Variants in DENND5A observed in about 807,000 individuals in gnomAD.
The protein encoded by DENND5A is DENN domain containing 5A.
Under a neutral mutation model 140.3 loss-of-function variants are expected in DENND5A, and 64 were observed. The observed-to-expected ratio is 0.46, with a 90% confidence interval of 0.37 to 0.56. The LOEUF (loss-of-function observed/expected upper bound fraction) is 0.56, where lower values mean the gene tolerates loss of function less well. DENND5A is among the 20% of genes least tolerant of loss of function. DENND5A has a pLI of 0.00. For synonymous variants in DENND5A, 605 were observed against 607.7 expected (o/e 1.00, Z 0.07); for missense variants, 1,292 against 1,593.8 (o/e 0.81, Z 3.22).
chr11:9,179,170 G>T, intron 6 of DENND5A, 97 bp from the exon 7 acceptor site: 1 of 1,055,606 alleles, frequency 9.5e-7, no homozygotes, highest in Non-Finnish European at 1.4e-6. Flanking sequence ...TTTTTTTACA[G>T]TGCTAATTTA....
intron 1 of DENND5A, among the ~76,000 whole-genome samples, chr11:9,261,058 C>G (rs1359310614): frequency 1.3e-5 from 2 of 152,072 alleles, no homozygotes; most frequent in Non-Finnish European, 2.9e-5. Context: ...GCCGTGCTGC[C>G]CAGGCTGGTC....
At chr11:9,146,049 C>T (rs1847421418) in intron 16 of DENND5A, among the ~76,000 whole-genome samples, 1 of 152,174 alleles carries the variant, frequency 6.6e-6, no homozygotes, top group Non-Finnish European at 1.5e-5. Flanking sequence ...ACCACCCAAA[C>T]ATCAAAGATC....
Position 9,143,428 on chromosome 11 carries a change from T to C in DENND5A, c.3362A>G (p.Lys1121Arg). ...SIGEAVNGIV[K>R]HFHKPEKERG... ...CTCTTTCTCAGGCTTATGGAAGTGC[T>C]TCACAATGCCATTGACTGCCTCCCC... is the stretch of plus-strand genomic sequence containing the variant. Residue 1121 changes from lysine (K) to arginine (R), a missense_variant, in exon 20 of 23, where the codon AAG becomes AGG. This residue lies in a region of DENND5A where 498 missense variants were observed against 689.7 expected (regional missense o/e 0.72). Coordinates refer to ENST00000328194, the MANE Select transcript of DENND5A (RefSeq NM_015213.4). 6.2e-7 allele frequency: 1 copy of C among 1,614,224 alleles called. No individual in the cohort carries two copies. Among genetic ancestry groups the C allele is most frequent in the Non-Finnish European group, 8.5e-7 (1 of 1,180,022 alleles).
chr11:9,214,511 C>T (rs1218029792), intron 1 of DENND5A, among the ~76,000 whole-genome samples: 2 of 152,204 alleles, frequency 1.3e-5, no homozygotes, highest in Non-Finnish European at 2.9e-5. Flanking sequence ...GAAGCTATCA[C>T]TCTTCCTTAT....
chr11:9,169,077 A>G (rs1332280272), intron 10 of DENND5A, among the ~76,000 whole-genome samples: 2 of 152,202 alleles, frequency 1.3e-5, no homozygotes, highest in Non-Finnish European at 2.9e-5. Context: ...TTTAAAGAAG[A>G]AGAAGAAAAA....
intron 16 of DENND5A, 187 bp downstream of exon 16, chr11:9,146,843 T>C: frequency 1.6e-6 from 1 of 624,326 alleles, no homozygotes; most frequent in Non-Finnish European, 2.7e-6. Context: ...AGAACAAGAA[T>C]GAGAAACTTC....
intron 1 of DENND5A, among the ~76,000 whole-genome samples, chr11:9,225,590 T>G (rs1187803683): frequency 6.6e-6 from 1 of 151,990 alleles, no homozygotes; most frequent in African/African-American, 2.4e-5. Flanking sequence ...TAAAACCCTG[T>G]CTCTACTAAA....
Position 9,193,697 on chromosome 11 carries a change from C to CA in DENND5A, c.950-17dup. ...CTCTGGTAATCTGGGTCAACAACAA[C>CA]AAAAAAAGCACACACACAAATCAGT... On this transcript the variant is annotated splice_polypyrimidine_tract_variant and intron_variant, in intron 4 of 22. Transcript: ENST00000328194. 1 of 1,584,946 alleles carries CA rather than the reference C, an allele frequency of 6.3e-7. No individual in the cohort carries two copies. The highest frequency in any genetic ancestry group is 1.2e-5 in the South Asian group (1 of 86,806).
intron 1 of DENND5A, among the ~76,000 whole-genome samples, chr11:9,245,941 T>C (rs977953563): frequency 3.3e-5 from 5 of 152,096 alleles, no homozygotes; most frequent in Non-Finnish European, 2.9e-5. Context: ...ACCTATCTCT[T>C]CATAATTAAT....
intron 5 of DENND5A, among the ~76,000 whole-genome samples, chr11:9,185,742 G>T (rs546535437): frequency 6.6e-6 from 1 of 152,202 alleles, no homozygotes; most frequent in South Asian, 2.1e-4. Context: ...GTCTACGTGT[G>T]TGTTGTTCCT....
chr11:9,202,547 G>C (rs1486377755), intron 4 of DENND5A, among the ~76,000 whole-genome samples: 2 of 152,130 alleles, frequency 1.3e-5, no homozygotes, highest in Non-Finnish European at 2.9e-5. Context: ...ATCTTCCGTA[G>C]CTAGAAATTA....
chr11:9,233,793 T>C (rs1397738557), intron 1 of DENND5A, among the ~76,000 whole-genome samples: 3 of 152,162 alleles, frequency 2.0e-5, no homozygotes, highest in Non-Finnish European at 4.4e-5. Context: ...GACACCCTGA[T>C]TTTGGATTTC....
chr11:9,248,964 G>A (rs1163566701), intron 1 of DENND5A, among the ~76,000 whole-genome samples: 6 of 152,108 alleles, frequency 3.9e-5, no homozygotes, highest in African/African-American at 7.2e-5. Flanking sequence ...CTGGCTGGGC[G>A]CGGTGGCTCA....
chr11:9,152,281 T>C, intron 13 of DENND5A, 77 bp downstream of exon 13: 1 of 1,069,276 alleles, frequency 9.4e-7, no homozygotes, highest in Non-Finnish European at 1.5e-6. Context: ...TGGAATAGTT[T>C]GCTTCAAAGT....
intron 1 of DENND5A, among the ~76,000 whole-genome samples, chr11:9,214,505 C>G (rs1850009184): frequency 6.6e-6 from 1 of 152,164 alleles, no homozygotes; most frequent in Non-Finnish European, 1.5e-5. Flanking sequence ...GCTTTGGAAG[C>G]TATCACTCTT....
intron 5 of DENND5A, among the ~76,000 whole-genome samples, chr11:9,191,535 C>T (rs957497660): frequency 6.6e-6 from 1 of 152,202 alleles, no homozygotes; most frequent in Non-Finnish European, 1.5e-5. Context: ...CCACCGCACC[C>T]GGCCAACTTT....
At chr11:9,261,777 C>CAAAAA (rs10651988) in intron 1 of DENND5A, among the ~76,000 whole-genome samples, 7,274 of 89,180 alleles carry the variant, frequency 0.082, 555 homozygotes, top group South Asian at 0.14. Context: ...GACTGTGTCT[C>CAAAAA]AAAAAAAAAA....
chr11:9,143,110 C>G (rs1847301317), intron 20 of DENND5A: 5 of 589,130 alleles, frequency 8.5e-6, no homozygotes, highest in Middle Eastern at 4.5e-4. Context: ...AGTGTGGCCA[C>G]TATTCAAGGA....
Position 9,142,822 on chromosome 11 carries a change from G to A in DENND5A, c.3411C>T (p.Leu1137=). The A allele has an allele frequency of 1.2e-6, 2 of 1,614,168 alleles. No individual in the cohort carries two copies. Among genetic ancestry groups the A allele is most frequent in the Non-Finnish European group, 1.7e-6 (2 of 1,180,010 alleles). The change falls in exon 21 of 23, where the codon CTC becomes CTT. Residue 1137 remains leucine (L), a synonymous_variant. Transcript: ENST00000328194. ...CCGAGACAAGGCCACACTCTCCACA[G>A]AGCAACAGCGTCAGACTGCCTCGCT... ...EKERGSLTLL[L]CGECGLVSAL...
Sources: allele counts gnomAD v4.1 joint callset (sites outside exome capture counted in the v4.1 genomes callset), GRCh38; gene constraint gnomAD v4.1.1; regional missense constraint gnomAD v4.1.1; transcripts MANE v1.5; gene names NCBI Gene and HGNC (gene_info 2026-07-23, HGNC 2026-07-21).